Variants in NRG1 observed in about 807,000 individuals in gnomAD.
NRG1 encodes neuregulin 1, also known as pro-neuregulin-1, membrane-bound isoform.
In NRG1, 18 loss-of-function variants were observed where a neutral mutation model predicts 63.8. The ratio of observed to expected loss-of-function variants is 0.28; its 90% CI spans 0.19 to 0.42. The LOEUF (loss-of-function observed/expected upper bound fraction) is 0.42, where lower values mean the gene tolerates loss of function less well. Ranked by LOEUF, NRG1 falls within the 10% of genes least tolerant of loss-of-function variation. The pLI is 1.00. For missense variants in NRG1, 762 were observed against 814.7 expected (o/e 0.94, Z 0.79); for synonymous variants, 302 against 301.3 (o/e 1.00, Z -0.02).
rs138702045 is a variant in NRG1 at position 32,233,910 on chromosome 8, C to T, written c.38-361918C>T. 1.1e-3 allele frequency among the ~76,000 whole-genome samples: 160 copies of T among 152,122 alleles called. 4 individuals are homozygous for T. In the East Asian group the frequency reaches 0.027, roughly 26 times the overall value. Reference sequence around the variant, plus strand: ...TTATGTGTTCATATAAGCAGTAGAACCTATCCCTAATAGTTGGATTTTATT... The same window carrying T: ...TTATGTGTTCATATAAGCAGTAGAATCTATCCCTAATAGTTGGATTTTATT... On this transcript the variant is annotated intron_variant, in intron 1 of 10. Coordinates refer to the NRG1 transcript ENST00000519301.
intron 5 of NRG1, among the ~76,000 whole-genome samples, chr8:32,672,030 A>C (rs187614303): frequency 6.9e-6 from 1 of 145,670 alleles, no homozygotes; most frequent in African/African-American, 2.5e-5. Context: ...TTCTATTCCG[A>C]TATGTGTTTT....
At chr8:32,745,141 G>A (rs988261742) in intron 7 of NRG1, among the ~76,000 whole-genome samples, 4 of 152,122 alleles carry the variant, frequency 2.6e-5, no homozygotes, top group Admixed American at 2.6e-4. Context: ...CTACATAGAA[G>A]TCAGAAAAAT....
At chr8:32,571,638 T>C (rs1254258839) in intron 1 of NRG1, among the ~76,000 whole-genome samples, 1 of 152,222 alleles carries the variant, frequency 6.6e-6, no homozygotes, top group Non-Finnish European at 1.5e-5. Flanking sequence ...TACTCACATC[T>C]TTCTTCAAGC....
chr8:31,794,670 AATT>A (rs1306068885), intron 1 of NRG1, among the ~76,000 whole-genome samples: 3 of 148,302 alleles, frequency 2.0e-5, no homozygotes, highest in Non-Finnish European at 1.5e-5. Flanking sequence ...ACTTTATAAT[AATT>A]ATTATTATTG....
intron 1 of NRG1, among the ~76,000 whole-genome samples, chr8:32,549,143 C>T (rs992173309): frequency 5.3e-5 from 8 of 152,354 alleles, no homozygotes; most frequent in African/African-American, 1.9e-4. Flanking sequence ...TGAGCCCAGC[C>T]CGGGAGTGGG....
intron 7 of NRG1, among the ~76,000 whole-genome samples, chr8:32,752,296 C>A (rs750650932): frequency 6.6e-6 from 1 of 152,110 alleles, no homozygotes; most frequent in African/African-American, 2.4e-5. Flanking sequence ...CAGCTTCAAC[C>A]AGATAACACC....
intron 1 of NRG1, among the ~76,000 whole-genome samples, chr8:31,671,278 A>G (rs1422128914): frequency 6.6e-6 from 1 of 152,180 alleles, no homozygotes; most frequent in Non-Finnish European, 1.5e-5. Flanking sequence ...GAAGTTCACT[A>G]TTCTATTCTG....
intron 1 of NRG1, among the ~76,000 whole-genome samples, chr8:32,074,690 A>G (rs1826224162): frequency 6.6e-6 from 1 of 152,166 alleles, no homozygotes; most frequent in South Asian, 2.1e-4. Context: ...AATTTAGGCT[A>G]TTTCATTTTC....
chr8:32,245,241 A>G (rs1401993374), intron 1 of NRG1, among the ~76,000 whole-genome samples: 2 of 152,208 alleles, frequency 1.3e-5, no homozygotes, highest in African/African-American at 2.4e-5. Context: ...GACAACCTAG[A>G]GTTCCAACAG....
chr8:32,591,614 C>T (rs1037286461), intron 1 of NRG1, among the ~76,000 whole-genome samples: 1 of 152,016 alleles, frequency 6.6e-6, no homozygotes, highest in Non-Finnish European at 1.5e-5. Context: ...ATGAGCATTT[C>T]AGTGCAATAC....
At chr8:31,854,263 G>A (rs1262925148) in intron 1 of NRG1, among the ~76,000 whole-genome samples, 2 of 152,148 alleles carry the variant, frequency 1.3e-5, no homozygotes, top group African/African-American at 2.4e-5. Flanking sequence ...TGGTTGGTAA[G>A]CTATTGATTA....
chr8:31,894,109 CAGAA>C (rs1434175999), intron 1 of NRG1, among the ~76,000 whole-genome samples: 1 of 151,866 alleles, frequency 6.6e-6, no homozygotes. Flanking sequence ...TATAGATAAA[CAGAA>C]AGAAAGAAAG....
rs573486649 is a variant in NRG1 at position 31,904,476 on chromosome 8, C to T, written c.37+265045C>T. 2.6e-5 allele frequency among the ~76,000 whole-genome samples: 4 copies of T among 152,300 alleles called. No homozygotes were observed. In the South Asian group the frequency reaches 8.3e-4, roughly 32 times the overall value. On this transcript the variant is annotated intron_variant, in intron 1 of 10. Transcript: ENST00000519301. ...AAATTACCTCAGCTACTGTGGAAAG[C>T]AGTTAGTCAGTTTCTCAAAGAACAT...
At chr8:32,184,365 G>C (rs12550195) in intron 1 of NRG1, among the ~76,000 whole-genome samples, 68,260 of 151,818 alleles carry the variant, frequency 0.45, 17,062 homozygotes, top group Admixed American at 0.57. Flanking sequence ...AAAAATCTCA[G>C]AGCCTAATAT....
intron 1 of NRG1, among the ~76,000 whole-genome samples, chr8:32,554,340 C>T (rs1016286107): frequency 3.3e-5 from 5 of 151,794 alleles, no homozygotes; most frequent in Non-Finnish European, 7.4e-5. Context: ...AAAAAGCGAG[C>T]TACCAAAATA....
intron 1 of NRG1, among the ~76,000 whole-genome samples, chr8:32,288,996 C>T (rs1240628124): frequency 6.6e-6 from 1 of 152,108 alleles, no homozygotes; most frequent in East Asian, 1.9e-4. Flanking sequence ...CGCAAACTGG[C>T]TAACTGCACT....
chr8:31,698,816 C>T (rs1433842943), intron 1 of NRG1, among the ~76,000 whole-genome samples: 2 of 152,172 alleles, frequency 1.3e-5, no homozygotes, highest in African/African-American at 4.8e-5. Flanking sequence ...TCTTTGTTTT[C>T]ATCAGAAATT....
intron 1 of NRG1, among the ~76,000 whole-genome samples, chr8:32,435,893 T>C (rs1186362051): frequency 6.6e-6 from 1 of 152,178 alleles, no homozygotes. Context: ...ACTTCTATAG[T>C]AAGATTTTAT....
chr8:32,014,621 A>G (rs1815222515), intron 1 of NRG1, among the ~76,000 whole-genome samples: 1 of 152,066 alleles, frequency 6.6e-6, no homozygotes, highest in East Asian at 1.9e-4. Flanking sequence ...AGGAAAAAAT[A>G]TAGACTTTGA....
Sources: allele counts gnomAD v4.1 joint callset (sites outside exome capture counted in the v4.1 genomes callset), GRCh38; gene constraint gnomAD v4.1.1; transcripts MANE v1.5; gene names NCBI Gene and HGNC (gene_info 2026-07-23, HGNC 2026-07-21).